Variants in ACOT8 observed in about 807,000 individuals in gnomAD.
The protein encoded by ACOT8 is acyl-CoA thioesterase 8, also known as acyl-coenzyme A thioesterase 8.
In ACOT8, 31 loss-of-function variants were observed where a neutral mutation model predicts 38.4. The observed-to-expected ratio is 0.81, with a 90% CI of 0.61 to 1.09. The LOEUF (loss-of-function observed/expected upper bound fraction) is 1.09, where lower values mean the gene tolerates loss of function less well. Ranked by LOEUF, ACOT8 falls within the 50% of genes least tolerant of loss-of-function variation. The probability of loss-of-function intolerance (pLI) is 0.00; values close to 1 mark genes in which losing one functional copy is unlikely to be tolerated. For synonymous variants in ACOT8, 158 were observed against 170.3 expected, an observed-to-expected ratio of 0.93 and a Z score of 0.56; for missense variants, 373 against 421.8, an observed-to-expected ratio of 0.88 and a Z score of 1.01.
At chr20:45,853,332 C>T (rs1985183616) in intron 2 of ACOT8, 1 of 152,264 alleles carries the variant, frequency 6.6e-6, no homozygotes, top group Admixed American at 6.5e-5. Context: ...TCTTCAGGTC[C>T]CAGTTTCCTT....
At chr20:45,856,308 C>T (rs1056037639) in intron 1 of ACOT8, among the ~76,000 whole-genome samples, 3 of 151,882 alleles carry the variant, frequency 2.0e-5, no homozygotes, top group African/African-American at 7.3e-5. Flanking sequence ...ATTTACAATT[C>T]CTTAAGTGGA....
rs766159231 is a variant in ACOT8 at position 45,848,680 on chromosome 20, A to G, written c.263-5T>C. The G allele has an allele frequency of 6.3e-7, 1 of 1,599,342 alleles. No individual in the cohort carries two copies. The highest frequency in any genetic ancestry group is 1.1e-5 in the South Asian group (1 of 90,254). On this transcript the variant is annotated splice_polypyrimidine_tract_variant and splice_region_variant and intron_variant, in intron 2 of 5. Coordinates refer to ENST00000217455, the MANE Select transcript of ACOT8 (RefSeq NM_005469.4). ...GTACTGGCAGCTTCGGGTCCCCTGCAGTGGGCACAAGGACACAGTGGGTCC... is the reference window on the plus strand; with the variant it reads ...GTACTGGCAGCTTCGGGTCCCCTGCGGTGGGCACAAGGACACAGTGGGTCC...
At position 45,844,365 on chromosome 20, in the gene ACOT8, C is replaced by T. The variant is rs200795056; in HGVS notation, c.544G>A (p.Glu182Lys). 146 of 1,613,968 alleles carry T rather than the reference C, an allele frequency of 9.0e-5. 1 individual carries two copies. Among genetic ancestry groups the T allele is most frequent in the Middle Eastern group, 1.6e-4 (1 of 6,084 alleles). Residue 182 changes from glutamate to lysine, a missense_variant, in exon 4 of 6, where the codon GAG (glutamate) becomes AAG (lysine). Coordinates refer to ENST00000217455, the MANE Select transcript of ACOT8 (RefSeq NM_005469.4). ...PLALNRIAAQ[E>K]VPIEIKPVNP... ...ACTGGCTTGATCTCAATGGGGACCTCCTGAGCAGCAATTCGGTTGAGCGCC... is the reference window on the plus strand; with the variant it reads ...ACTGGCTTGATCTCAATGGGGACCTTCTGAGCAGCAATTCGGTTGAGCGCC...
intron 2 of ACOT8, among the ~76,000 whole-genome samples, chr20:45,852,477 C>CA (rs1233226075): frequency 1.3e-5 from 2 of 151,858 alleles, no homozygotes; most frequent in Non-Finnish European, 2.9e-5. Flanking sequence ...CATGCCCAGC[C>CA]AAAAAACAGC....
chr20:45,847,473 A>G lies in ACOT8; in HGVS notation c.488+977T>C, dbSNP rs578059933. Among the ~76,000 whole-genome samples the G allele has an allele frequency of 1.3e-4, 19 of 151,538 alleles. No homozygotes were observed. In the South Asian group the frequency reaches 1.5e-3, roughly 12 times the overall value. On this transcript the variant is annotated intron_variant, in intron 3 of 5. Coordinates refer to ENST00000217455, the MANE Select transcript of ACOT8 (RefSeq NM_005469.4). ...TTCCCAGGTATGGTGGCTCATGCCTATAATCCCAGCACTTTAGGAGGTCAA... is the reference window on the plus strand; with the variant it reads ...TTCCCAGGTATGGTGGCTCATGCCTGTAATCCCAGCACTTTAGGAGGTCAA...
At chr20:45,852,431 G>A (rs1985128002) in intron 2 of ACOT8, among the ~76,000 whole-genome samples, 1 of 151,738 alleles carries the variant, frequency 6.6e-6, no homozygotes, top group Admixed American at 6.6e-5. Context: ...TGCCCGCCTC[G>A]GCCTCCCAAA....
Position 45,857,304 on chromosome 20 carries a change from C to T in ACOT8, c.12G>A (p.Pro4=), listed in dbSNP as rs374873300. MSS[P]QAPEDGQGCG... The stretch of plus-strand genomic sequence containing the variant: ...AGCCCTGCCCATCTTCTGGGGCCTG[C>T]GGGGACGACATCTAGTTCAATGCTG... The change falls in exon 1 of 6, where the codon CCG becomes CCA. Residue 4 remains proline (P), a synonymous_variant. Coordinates refer to ENST00000217455, the MANE Select transcript of ACOT8 (RefSeq NM_005469.4). The T allele has an allele frequency of 4.4e-6, 7 of 1,605,646 alleles. No homozygotes were observed. The highest frequency in any genetic ancestry group is 5.9e-6 in the Non-Finnish European group (7 of 1,176,652).
At chr20:45,854,423 G>A (rs1280391431) in intron 2 of ACOT8, among the ~76,000 whole-genome samples, 2 of 152,116 alleles carry the variant, frequency 1.3e-5, no homozygotes, top group African/African-American at 4.8e-5. Flanking sequence ...TGTTAGCTAG[G>A]ATGGTCCCGA....
In ACOT8 at chr20:45,849,305, G is replaced by C. The variant is rs982147317; in HGVS notation, c.263-630C>G. ...CTTGTTCTTTTTTTTGTTTGTTTGA[G>C]ATGGAGTCTTGCTCTGTCACCCAGG... On this transcript the variant is annotated intron_variant, in intron 2 of 5. Transcript: ENST00000217455. 2.6e-5 allele frequency among the ~76,000 whole-genome samples: 4 copies of C among 152,102 alleles called. 1 individual carries two copies. In the South Asian group the frequency reaches 8.3e-4, roughly 31 times the overall value.
chr20:45,855,012 C>G (rs1411212977), intron 2 of ACOT8, 147 bp downstream of exon 2: 2 of 1,168,170 alleles, frequency 1.7e-6, no homozygotes, highest in Non-Finnish European at 2.4e-6. Context: ...CCTCGTTCCA[C>G]CCTAGACACC....
chr20:45,856,507 C>T (rs947831595), intron 1 of ACOT8, among the ~76,000 whole-genome samples: 1 of 152,126 alleles, frequency 6.6e-6, no homozygotes, highest in Non-Finnish European at 1.5e-5. Flanking sequence ...CGGTGAAACC[C>T]CGTCTCTACT....
chr20:45,854,879 T>C (rs1985308012), intron 2 of ACOT8, among the ~76,000 whole-genome samples: 1 of 152,142 alleles, frequency 6.6e-6, no homozygotes, highest in African/African-American at 2.4e-5. Flanking sequence ...ATGTTAAGAA[T>C]GGAAGAACAA....
At position 45,855,254 on chromosome 20, in the gene ACOT8, C is replaced by A. The variant is rs186657886; in HGVS notation, c.167G>T (p.Gly56Val). The stretch of plus-strand genomic sequence containing the variant: ...CAGGGCCTGGCCCACGATCTGACCA[C>A]CAAACAGCCTCTTGGCCGGTACCCA... Reference protein sequence around the residue: ...HYWVPAKRLFGGQIVGQALVA... With the variant: ...HYWVPAKRLFVGQIVGQALVA... The change falls in exon 2 of 6, where the codon GGT becomes GTT. Residue 56 changes from glycine (G) to valine (V), a missense_variant. Gly to Val is a moderately radical substitution (Grantham distance 109). Transcript: ENST00000217455. The A allele has an allele frequency of 6.2e-7, 1 of 1,614,158 alleles. No individual in the cohort carries two copies. The highest frequency in any genetic ancestry group is 1.1e-5 in the South Asian group (1 of 91,090).
At chr20:45,847,923 C>T (rs1330584227) in intron 3 of ACOT8, 2 of 151,484 alleles carry the variant, frequency 1.3e-5, no homozygotes, top group Non-Finnish European at 2.9e-5. Flanking sequence ...ACTACAGACA[C>T]ATGCCCCGAC....
At chr20:45,843,157 TG>T in intron 5 of ACOT8, 1 of 662,070 alleles carries the variant, frequency 1.5e-6, no homozygotes, top group Non-Finnish European at 2.2e-6. Flanking sequence ...AATGGCAGTC[TG>T]ATGGACTGCG....
chr20:45,845,332 C>T (rs1474034026), intron 3 of ACOT8, among the ~76,000 whole-genome samples: 1 of 152,060 alleles, frequency 6.6e-6, no homozygotes, highest in Non-Finnish European at 1.5e-5. Context: ...CATGATCCGC[C>T]CGCCTCAGCC....
chr20:45,844,546 T>G, intron 3 of ACOT8, 126 bp from the exon 4 acceptor site: 1 of 1,135,974 alleles, frequency 8.8e-7, no homozygotes, highest in Non-Finnish European at 1.3e-6. Context: ...TCCCCTCCCC[T>G]GTGGCAGGCA....
In ACOT8 at chr20:45,857,349, C is replaced by G. The variant is rs1315238807; in HGVS notation, c.-34G>C. On this transcript the variant is annotated 5_prime_UTR_variant, in exon 1 of 6. Coordinates refer to ENST00000217455, the MANE Select transcript of ACOT8 (RefSeq NM_005469.4). ...ATGCTGCAGGCCCTGCACACCCGCTCCGCGGAAGACGCGGAGACATACACA... is the reference window on the plus strand; with the variant it reads ...ATGCTGCAGGCCCTGCACACCCGCTGCGCGGAAGACGCGGAGACATACACA... 1.3e-6 allele frequency: 2 copies of G among 1,567,256 alleles called. No individual in the cohort carries two copies. The highest frequency in any genetic ancestry group is 1.7e-6 in the Non-Finnish European group (2 of 1,157,568).
At chr20:45,848,359 C>T in intron 3 of ACOT8, 91 bp downstream of exon 3, 1 of 1,116,580 alleles carries the variant, frequency 9.0e-7, no homozygotes, top group Non-Finnish European at 1.3e-6. Flanking sequence ...TTTAAAAATG[C>T]TGGTCAAGAC....
Sources: allele counts gnomAD v4.1 joint callset (sites outside exome capture counted in the v4.1 genomes callset), GRCh38; gene constraint gnomAD v4.1.1; transcripts MANE v1.5; gene names NCBI Gene and HGNC (gene_info 2026-07-23, HGNC 2026-07-21).